Variants in RSU1 observed in about 807,000 individuals in gnomAD.
RSU1 encodes the protein Ras suppressor protein 1.
RSU1 carries 26 observed loss-of-function variants against 31.1 expected under a neutral mutation model. That is an observed-to-expected ratio of 0.84 (90% CI 0.61 to 1.16). RSU1 has a LOEUF of 1.16. Among genes scored for constraint, RSU1 ranks in the 50% most tolerant of loss-of-function variants. RSU1 has a pLI of 0.00. For synonymous variants in RSU1, 164 were observed against 136.3 expected (o/e 1.20, Z -1.41); for missense variants, 320 against 339.1 (o/e 0.94, Z 0.44).
At chr10:16,645,241 C>A (rs1834516103) in intron 8 of RSU1, among the ~76,000 whole-genome samples, 1 of 152,110 alleles carries the variant, frequency 6.6e-6, no homozygotes, top group Non-Finnish European at 1.5e-5. Flanking sequence ...ATCTTTTAAA[C>A]CATATCTTGG....
intron 8 of RSU1, among the ~76,000 whole-genome samples, chr10:16,593,833 G>A (rs537677811): frequency 1.3e-5 from 2 of 152,336 alleles, no homozygotes; most frequent in African/African-American, 2.4e-5. Flanking sequence ...TTGAATGGAA[G>A]AGACAGAGTG....
intron 7 of RSU1, among the ~76,000 whole-genome samples, chr10:16,712,065 T>C (rs1252937840): frequency 6.6e-6 from 1 of 152,228 alleles, no homozygotes; most frequent in African/African-American, 2.4e-5. Context: ...ATTGAATTTA[T>C]CCTTTAATCA....
chr10:16,601,098 T>A (rs1833708324), intron 8 of RSU1, among the ~76,000 whole-genome samples: 1 of 152,146 alleles, frequency 6.6e-6, no homozygotes, highest in African/African-American at 2.4e-5. Flanking sequence ...TCTAATTTTA[T>A]AACTTTAATG....
rs968017485 is a variant in RSU1 at position 16,645,918 on chromosome 10, A to G, written c.731+49105T>C. Among the ~76,000 whole-genome samples the G allele has an allele frequency of 8.0e-4, 24 of 29,882 alleles. 8 individuals carry two copies. The highest frequency in any genetic ancestry group is 1.9e-3 in the African/African-American group (14 of 7,354). 19.6% of individuals were successfully genotyped at this position (29,882 alleles called of 152,430 possible). On this transcript the variant is annotated intron_variant, in intron 8 of 8. Coordinates refer to ENST00000345264, the MANE Select transcript of RSU1 (RefSeq NM_012425.4). The stretch of plus-strand genomic sequence containing the variant: ...TGTATATACACATATATGTATATAT[A>G]TGTGTATATACACATATGTGTATAT...
intron 8 of RSU1, among the ~76,000 whole-genome samples, chr10:16,620,242 G>A (rs1001164554): frequency 1.4e-4 from 21 of 152,132 alleles, no homozygotes; most frequent in South Asian, 4.1e-4. Flanking sequence ...AGTTAAAAGC[G>A]AAAATGCACT....
At chr10:16,750,169 TTAG>T (rs1836946630) in intron 7 of RSU1, among the ~76,000 whole-genome samples, 1 of 152,238 alleles carries the variant, frequency 6.6e-6, no homozygotes, top group African/African-American at 2.4e-5. Context: ...TGTTACTGTA[TTAG>T]TAGTATACTA....
intron 2 of RSU1, among the ~76,000 whole-genome samples, chr10:16,790,836 A>G (rs987860941): frequency 6.6e-6 from 1 of 152,090 alleles, no homozygotes; most frequent in African/African-American, 2.4e-5. Flanking sequence ...TCCCATCACG[A>G]AGACGTGATT....
At chr10:16,807,996 C>T (rs1838311122) in intron 2 of RSU1, among the ~76,000 whole-genome samples, 1 of 147,570 alleles carries the variant, frequency 6.8e-6, no homozygotes, top group South Asian at 2.1e-4. Flanking sequence ...GCACTCCAGC[C>T]TGGGTGACAC....
intron 3 of RSU1, among the ~76,000 whole-genome samples, chr10:16,779,214 C>T (rs889707757): frequency 6.6e-6 from 1 of 152,144 alleles, no homozygotes; most frequent in African/African-American, 2.4e-5. Context: ...AATAGGGGCA[C>T]CATAATAGTC....
intron 8 of RSU1, among the ~76,000 whole-genome samples, chr10:16,637,089 T>C (rs1247419464): frequency 6.6e-6 from 1 of 152,230 alleles, no homozygotes; most frequent in Non-Finnish European, 1.5e-5. Context: ...ACCAAAGCAT[T>C]ACAGATAAAC....
At chr10:16,767,720 G>T (rs969270645) in intron 3 of RSU1, among the ~76,000 whole-genome samples, 2 of 152,174 alleles carry the variant, frequency 1.3e-5, no homozygotes, top group African/African-American at 4.8e-5. Flanking sequence ...TAGGTGCACA[G>T]TGCCATACTT....
At chr10:16,628,827 T>C (rs1044866723) in intron 8 of RSU1, among the ~76,000 whole-genome samples, 4 of 152,218 alleles carry the variant, frequency 2.6e-5, no homozygotes, top group Admixed American at 1.3e-4. Flanking sequence ...TTTTCGTTCA[T>C]TGTTTGACCT....
At chr10:16,677,150 C>T (rs1401092576) in intron 8 of RSU1, among the ~76,000 whole-genome samples, 11 of 152,170 alleles carry the variant, frequency 7.2e-5, no homozygotes, top group Non-Finnish European at 1.6e-4. Context: ...TTCTTATTTT[C>T]TTCCCAGATG....
chr10:16,706,913 A>G (rs1835916117), intron 7 of RSU1, among the ~76,000 whole-genome samples: 1 of 151,846 alleles, frequency 6.6e-6, no homozygotes. Flanking sequence ...TCTGGTAACC[A>G]CTATTCTACT....
At chr10:16,686,474 C>G (rs1835442151) in intron 8 of RSU1, among the ~76,000 whole-genome samples, 2 of 152,268 alleles carry the variant, frequency 1.3e-5, no homozygotes, top group East Asian at 3.9e-4. Flanking sequence ...AAAAAAGGAG[C>G]TCAGAATAGC....
intron 8 of RSU1, among the ~76,000 whole-genome samples, chr10:16,638,338 T>C (rs1455163183): frequency 6.6e-6 from 1 of 152,150 alleles, no homozygotes; most frequent in African/African-American, 2.4e-5. Flanking sequence ...TTAACATCCT[T>C]GTGTCTTACG....
At chr10:16,677,739 T>C (rs1017393227) in intron 8 of RSU1, among the ~76,000 whole-genome samples, 11 of 152,190 alleles carry the variant, frequency 7.2e-5, no homozygotes, top group Admixed American at 3.9e-4. Context: ...TAAAATAATA[T>C]AGCTCCAAGA....
At chr10:16,728,845 G>A (rs1160699817) in intron 7 of RSU1, among the ~76,000 whole-genome samples, 1 of 152,206 alleles carries the variant, frequency 6.6e-6, no homozygotes, top group African/African-American at 2.4e-5. Flanking sequence ...GCCAAGGAAT[G>A]CAGGCACTCA....
At chr10:16,738,365 G>T (rs1320021899) in intron 7 of RSU1, among the ~76,000 whole-genome samples, 1 of 152,018 alleles carries the variant, frequency 6.6e-6, no homozygotes, top group Non-Finnish European at 1.5e-5. Flanking sequence ...GCAGGAGAAT[G>T]ACGTGAACCC....
Sources: gnomAD v4.1 joint callset for allele counts (sites outside exome capture counted in the v4.1 genomes callset) on GRCh38, gnomAD v4.1.1 for gene constraint, MANE v1.5 for transcripts, NCBI Gene and HGNC (gene_info 2026-07-23, HGNC 2026-07-21) for gene names.